FRMPD4: variants seen among roughly 807,000 people sequenced by gnomAD.
FRMPD4 encodes FERM and PDZ domain containing 4.
Under a neutral mutation model 94.1 loss-of-function variants are expected in FRMPD4, and 22 were observed. That is an observed-to-expected ratio of 0.23 (90% confidence interval 0.17 to 0.33). FRMPD4 has a LOEUF of 0.33. Among genes scored for constraint, FRMPD4 ranks in the 10% least tolerant of loss-of-function variants. FRMPD4 has a pLI of 1.00. For missense variants in FRMPD4, 1,111 were observed against 1,339.9 expected (o/e 0.83, Z 2.67); for synonymous variants, 631 against 548.6 (o/e 1.15, Z -2.10).
chrX:12,498,693 T>G lies in FRMPD4; in HGVS notation c.55T>G (p.Ser19Ala). ...IAKLSSHRTK[S>A]SGWPPPSGTW... ...TTTCTTTTCCAGCCACAGGACGAAG[T>G]CTTCAGGCTGGCCGCCTCCCTCGGG... is the stretch of plus-strand genomic sequence containing the variant. Residue 19 changes from serine (S) to alanine (A), a missense_variant, in exon 2 of 17, where the codon TCT becomes GCT. By Grantham distance (99) the Ser-to-Ala change is moderately conservative (BLOSUM62 1). Coordinates refer to ENST00000675598, the MANE Select transcript of FRMPD4 (RefSeq NM_001368397.1). 2 of 1,177,522 alleles carry G rather than the reference T, an allele frequency of 1.7e-6. No homozygotes were observed. Among genetic ancestry groups the G allele is most frequent in the Non-Finnish European group, 2.3e-6 (2 of 867,296 alleles).
chrX:12,062,906 T>C (rs992079103), intron 3 of FRMPD4, among the ~76,000 whole-genome samples: 2 of 111,759 alleles, frequency 1.8e-5, no homozygotes, highest in Non-Finnish European at 3.8e-5. Flanking sequence ...TCCCAATGTT[T>C]ATGCTTATAT....
intron 3 of FRMPD4, among the ~76,000 whole-genome samples, chrX:12,034,175 T>A (rs1014927776): frequency 8.9e-6 from 1 of 112,083 alleles, no homozygotes; most frequent in Non-Finnish European, 1.9e-5. Context: ...AAGTCAACCA[T>A]AATTTCATCA....
At chrX:12,045,665 T>C (rs778846715) in intron 3 of FRMPD4, among the ~76,000 whole-genome samples, 1 of 111,496 alleles carries the variant, frequency 9.0e-6, no homozygotes, top group Admixed American at 9.6e-5. Context: ...TTCCCAAGTC[T>C]ATCCTTTTGC....
chrX:12,334,355 T>G (rs770801543), intron 1 of FRMPD4, among the ~76,000 whole-genome samples: 1 of 111,494 alleles, frequency 9.0e-6, no homozygotes, highest in African/African-American at 3.3e-5. Flanking sequence ...GGCCAGGCCA[T>G]CTATCTGGTG....
chrX:12,063,611 G>C (rs1382226316), intron 3 of FRMPD4, among the ~76,000 whole-genome samples: 1 of 111,833 alleles, frequency 8.9e-6, no homozygotes, highest in Non-Finnish European at 1.9e-5. Flanking sequence ...TAATTATCCA[G>C]GTGCAGTGGC....
chrX:12,285,823 A>T (rs2054592288), intron 1 of FRMPD4, among the ~76,000 whole-genome samples: 2 of 112,340 alleles, frequency 1.8e-5, no homozygotes, highest in African/African-American at 6.5e-5. Context: ...GATTAAATGT[A>T]CATCGGTTGC....
At chrX:11,979,202 T>C (rs1046228891) in intron 3 of FRMPD4, among the ~76,000 whole-genome samples, 3 of 112,032 alleles carry the variant, frequency 2.7e-5, no homozygotes, top group Non-Finnish European at 5.6e-5. Flanking sequence ...CTGTTTTTTA[T>C]GGTTTTAATA....
intron 1 of FRMPD4, among the ~76,000 whole-genome samples, chrX:12,247,439 T>C (rs1342467373): frequency 2.7e-5 from 3 of 112,056 alleles, no homozygotes; most frequent in Non-Finnish European, 5.6e-5. Context: ...CTCTCTCCAC[T>C]AAGGCATGGC....
intron 1 of FRMPD4, among the ~76,000 whole-genome samples, chrX:12,157,968 A>G (rs758281650): frequency 1.8e-5 from 2 of 112,276 alleles, no homozygotes; most frequent in East Asian, 5.6e-4. Flanking sequence ...GTTTGTGTGT[A>G]TACACTTGCT....
intron 3 of FRMPD4, among the ~76,000 whole-genome samples, chrX:12,072,254 A>T (rs1199275451): frequency 1.8e-5 from 2 of 112,064 alleles, no homozygotes; most frequent in African/African-American, 6.5e-5. Flanking sequence ...GCTGTTGAAA[A>T]TGAAGCTGTT....
At chrX:11,965,113 T>G (rs191617576) in intron 3 of FRMPD4, among the ~76,000 whole-genome samples, 1 of 112,729 alleles carries the variant, frequency 8.9e-6, no homozygotes, top group East Asian at 2.8e-4. Flanking sequence ...GCGAATTTGA[T>G]CCATCTGCTA....
chrX:12,553,090 T>C (rs564055978), intron 2 of FRMPD4, among the ~76,000 whole-genome samples: 2 of 110,011 alleles, frequency 1.8e-5, no homozygotes, highest in South Asian at 3.9e-4. Flanking sequence ...CCCAGGGAGG[T>C]TGAGGCTGCA....
chrX:12,430,765 A>G (rs777379137), intron 1 of FRMPD4, among the ~76,000 whole-genome samples: 1 of 112,429 alleles, frequency 8.9e-6, no homozygotes, highest in African/African-American at 3.2e-5. Context: ...CACTGCATTT[A>G]TACTCAGTCT....
At chrX:11,894,352 G>C (rs1232827465) in intron 3 of FRMPD4, among the ~76,000 whole-genome samples, 2 of 112,498 alleles carry the variant, frequency 1.8e-5, no homozygotes, top group Non-Finnish European at 3.8e-5. Context: ...AAGATCACAT[G>C]ATCAGTGACA....
chrX:11,889,793 G>A (rs2147320480), intron 3 of FRMPD4, among the ~76,000 whole-genome samples: 1 of 112,582 alleles, frequency 8.9e-6, no homozygotes, highest in East Asian at 2.8e-4. Flanking sequence ...CATGTGTCTG[G>A]CATCTCAGCT....
chrX:12,575,766 G>A (rs933779689), intron 2 of FRMPD4, among the ~76,000 whole-genome samples: 1 of 111,570 alleles, frequency 9.0e-6, no homozygotes, highest in African/African-American at 3.3e-5. Flanking sequence ...GATATGAGGT[G>A]AAAAAGACTT....
intron 4 of FRMPD4, among the ~76,000 whole-genome samples, chrX:12,619,160 T>A (rs1052899934): frequency 8.9e-6 from 1 of 111,924 alleles, no homozygotes; most frequent in Non-Finnish European, 1.9e-5. Context: ...ACTATTTATG[T>A]TGATTATTCC....
At chrX:12,642,656 C>T (rs2148462830) in intron 4 of FRMPD4, among the ~76,000 whole-genome samples, 1 of 113,021 alleles carries the variant, frequency 8.8e-6, no homozygotes, top group South Asian at 3.6e-4. Context: ...AATCCCAAAA[C>T]TTTGGAAGGC....
chrX:12,142,476 G>A (rs1032578019), intron 1 of FRMPD4, among the ~76,000 whole-genome samples: 2 of 111,095 alleles, frequency 1.8e-5, no homozygotes, highest in African/African-American at 6.5e-5. Flanking sequence ...TTTTTACTGA[G>A]TAATTGTATT....
Sources: allele counts gnomAD v4.1 joint callset (sites outside exome capture counted in the v4.1 genomes callset), GRCh38; gene constraint gnomAD v4.1.1; transcripts MANE v1.5; gene names NCBI Gene and HGNC (gene_info 2026-07-23, HGNC 2026-07-21).